PDE4B: variants seen among roughly 807,000 people sequenced by gnomAD.
The protein encoded by PDE4B is phosphodiesterase 4B, also known as 3',5'-cyclic-AMP phosphodiesterase 4B.
In PDE4B, 20 loss-of-function variants were observed where a neutral mutation model predicts 82.2. The ratio of observed to expected loss-of-function variants is 0.24; its 90% CI spans 0.17 to 0.35. PDE4B has a LOEUF of 0.35. PDE4B is among the 10% of genes least tolerant of loss of function. PDE4B has a pLI of 1.00. For missense variants in PDE4B, 655 were observed against 907.2 expected, an observed-to-expected ratio of 0.72 and a Z score of 3.57; for synonymous variants, 320 against 318.9, an observed-to-expected ratio of 1.00 and a Z score of -0.04.
chr1:66,208,591 G>A (rs1159256674), intron 3 of PDE4B, among the ~76,000 whole-genome samples: 1 of 152,080 alleles, frequency 6.6e-6, no homozygotes, highest in Non-Finnish European at 1.5e-5. Context: ...TCTAAAATAT[G>A]CTTTAACATA....
In PDE4B at chr1:66,320,258, C is replaced by T. The variant is rs139826131; in HGVS notation, c.635-12250C>T. ...TTCTTATGACAGCTATAAAAACCCA[C>T]GTGGGATTCTAGTAACTCTTGGTGC... On this transcript the variant is annotated intron_variant, in intron 7 of 16. Transcript: ENST00000341517. Among the ~76,000 whole-genome samples the T allele has an allele frequency of 1.8e-4, 28 of 152,130 alleles. No individual in the cohort carries two copies. The East Asian group carries it at 3.9e-3, about 21-fold the overall frequency.
At chr1:66,135,422 G>T (rs1294840646) in intron 3 of PDE4B, among the ~76,000 whole-genome samples, 1 of 152,180 alleles carries the variant, frequency 6.6e-6, no homozygotes, top group Non-Finnish European at 1.5e-5. Flanking sequence ...GCCATCAGGG[G>T]AAGCAATGAT....
intron 7 of PDE4B, among the ~76,000 whole-genome samples, chr1:66,270,766 A>G (rs901906747): frequency 1.3e-5 from 2 of 152,240 alleles, no homozygotes; most frequent in Admixed American, 6.5e-5. Context: ...GAAAGATTAG[A>G]GGGAATTATA....
At chr1:66,363,317 ATT>A (rs144133808) in intron 11 of PDE4B, 51 bp downstream of exon 11, 1 of 1,467,516 alleles carries the variant, frequency 6.8e-7, no homozygotes, top group Non-Finnish European at 9.3e-7. Context: ...GCTCTTTATG[ATT>A]TTTTTTTTCC....
At chr1:65,870,263 A>T (rs559350745) in intron 1 of PDE4B, among the ~76,000 whole-genome samples, 41 of 152,282 alleles carry the variant, frequency 2.7e-4, no homozygotes, top group African/African-American at 8.2e-4. Flanking sequence ...TCCAGAAATA[A>T]CATATTCATT....
At position 66,008,870 on chromosome 1, in the gene PDE4B, A is replaced by G. The variant is rs145114015; in HGVS notation, c.281+90035A>G. On this transcript the variant is annotated intron_variant, in intron 3 of 16. Transcript: ENST00000341517. ...TCCTCCTCATGTTCCTCAAGTCTAAATATTGGAATGCTCCAGAGGGTTGTG... is the reference window on the plus strand; with the variant it reads ...TCCTCCTCATGTTCCTCAAGTCTAAGTATTGGAATGCTCCAGAGGGTTGTG... Among the ~76,000 whole-genome samples the G allele has an allele frequency of 8.1e-4, 123 of 151,934 alleles. 1 individual carries two copies. Among genetic ancestry groups the G allele is most frequent in the African/African-American group, 2.7e-3 (110 of 41,428 alleles).
intron 3 of PDE4B, among the ~76,000 whole-genome samples, chr1:66,069,366 T>C (rs1656035658): frequency 6.6e-6 from 1 of 152,042 alleles, no homozygotes; most frequent in Non-Finnish European, 1.5e-5. Flanking sequence ...CTCTGTAGGA[T>C]GAAATCCTAA....
At chr1:66,183,498 A>C (rs1647115634) in intron 3 of PDE4B, among the ~76,000 whole-genome samples, 1 of 152,166 alleles carries the variant, frequency 6.6e-6, no homozygotes, top group Non-Finnish European at 1.5e-5. Flanking sequence ...AATGACAGGA[A>C]GGACTCATAA....
intron 3 of PDE4B, among the ~76,000 whole-genome samples, chr1:66,148,021 A>G (rs1290007862): frequency 6.6e-6 from 1 of 152,326 alleles, no homozygotes; most frequent in African/African-American, 2.4e-5. Context: ...CTGTAATCCC[A>G]GCACTTAGGG....
chr1:65,799,020 G>A (rs1202710018), intron 1 of PDE4B, among the ~76,000 whole-genome samples: 1 of 152,098 alleles, frequency 6.6e-6, no homozygotes, highest in Non-Finnish European at 1.5e-5. Context: ...TAACCTTAGA[G>A]AAAGTAAATG....
intron 3 of PDE4B, among the ~76,000 whole-genome samples, chr1:66,026,566 T>C (rs981035427): frequency 3.9e-5 from 6 of 152,356 alleles, no homozygotes; most frequent in Middle Eastern, 3.4e-3. Context: ...TAACACTTAA[T>C]TTATGGGTTT....
At chr1:66,305,856 T>C (rs1207959139) in intron 7 of PDE4B, among the ~76,000 whole-genome samples, 2 of 152,116 alleles carry the variant, frequency 1.3e-5, no homozygotes, top group African/African-American at 2.4e-5. Flanking sequence ...AATAGTACTT[T>C]CCTGAATAAA....
chr1:65,899,496 A>C (rs972285295), intron 1 of PDE4B, among the ~76,000 whole-genome samples: 1 of 151,972 alleles, frequency 6.6e-6, no homozygotes, highest in Admixed American at 6.6e-5. Flanking sequence ...AAAATAAGTC[A>C]TTATACAAAA....
chr1:66,218,186 A>G (rs1401102555), intron 3 of PDE4B, among the ~76,000 whole-genome samples: 5 of 152,140 alleles, frequency 3.3e-5, no homozygotes, highest in African/African-American at 9.7e-5. Flanking sequence ...ACTCCAAAAT[A>G]GTAGCTTCTA....
At chr1:65,824,361 T>A (rs1396331219) in intron 1 of PDE4B, among the ~76,000 whole-genome samples, 1 of 152,060 alleles carries the variant, frequency 6.6e-6, no homozygotes, top group Admixed American at 6.6e-5. Context: ...ATTAAAAAAA[T>A]TCTTAGTGAT....
chr1:66,136,054 A>G (rs1237763884), intron 3 of PDE4B, among the ~76,000 whole-genome samples: 1 of 152,124 alleles, frequency 6.6e-6, no homozygotes. Flanking sequence ...AGAATTGCCT[A>G]CTGAACTATG....
At chr1:65,938,220 G>A (rs1648259260) in intron 3 of PDE4B, among the ~76,000 whole-genome samples, 1 of 152,028 alleles carries the variant, frequency 6.6e-6, no homozygotes, top group Non-Finnish European at 1.5e-5. Flanking sequence ...ACAAATCCCT[G>A]TCCTCTAGGA....
chr1:66,004,291 G>T (rs940542778), intron 3 of PDE4B, among the ~76,000 whole-genome samples: 2 of 152,056 alleles, frequency 1.3e-5, no homozygotes, highest in African/African-American at 4.8e-5. Flanking sequence ...ACTACTTAAA[G>T]ATCTTTATAA....
intron 1 of PDE4B, among the ~76,000 whole-genome samples, chr1:65,852,325 A>C (rs1471974997): frequency 6.6e-6 from 1 of 152,020 alleles, no homozygotes; most frequent in East Asian, 1.9e-4. Flanking sequence ...TTATTCAATA[A>C]AGCAATCCGA....
Sources: gnomAD v4.1 joint callset for allele counts (sites outside exome capture counted in the v4.1 genomes callset) on GRCh38, gnomAD v4.1.1 for gene constraint, MANE v1.5 for transcripts, NCBI Gene and HGNC (gene_info 2026-07-23, HGNC 2026-07-21) for gene names.